Variants in FRMD5 observed in about 807,000 individuals in gnomAD.
FRMD5 encodes the protein FERM domain-containing protein 5.
In FRMD5, 20 loss-of-function variants were observed where a neutral mutation model predicts 69.0. That is an observed-to-expected ratio of 0.29 (90% CI 0.20 to 0.42). The LOEUF is 0.42. FRMD5 is among the 10% of genes least tolerant of loss of function. The pLI, the probability that FRMD5 is intolerant of heterozygous loss-of-function variation, is 1.00. For synonymous variants in FRMD5, 271 were observed against 260.1 expected (o/e 1.04, Z -0.40); for missense variants, 595 against 708.6 (o/e 0.84, Z 1.82).
intron 1 of FRMD5, among the ~76,000 whole-genome samples, chr15:44,162,001 G>A (rs1324283101): frequency 6.6e-6 from 1 of 151,832 alleles, no homozygotes; most frequent in East Asian, 1.9e-4. Context: ...GTCTCTCCTA[G>A]TGCCCTAGGC....
At chr15:43,914,200 C>T (rs1232823171) in intron 4 of FRMD5, among the ~76,000 whole-genome samples, 1 of 152,188 alleles carries the variant, frequency 6.6e-6, no homozygotes, top group Admixed American at 6.5e-5. Flanking sequence ...AATGAGTCCA[C>T]AGGCATTTCC....
At chr15:44,065,356 T>C (rs1025465799) in intron 1 of FRMD5, among the ~76,000 whole-genome samples, 9 of 151,978 alleles carry the variant, frequency 5.9e-5, no homozygotes, top group African/African-American at 2.2e-4. Context: ...TAGAAATCAA[T>C]TCAAAAAGCC....
chr15:43,975,200 G>A (rs1479415295), intron 1 of FRMD5, among the ~76,000 whole-genome samples: 2 of 152,216 alleles, frequency 1.3e-5, no homozygotes, highest in African/African-American at 4.8e-5. Flanking sequence ...ATCTAAGCTA[G>A]AATATGCCAG....
chr15:44,144,971 T>G (rs774845553), intron 1 of FRMD5, among the ~76,000 whole-genome samples: 1 of 152,210 alleles, frequency 6.6e-6, no homozygotes, highest in Non-Finnish European at 1.5e-5. Flanking sequence ...CCCAGTATCA[T>G]AGAGTTACTA....
At chr15:43,965,614 T>G (rs1336727497) in intron 1 of FRMD5, among the ~76,000 whole-genome samples, 1 of 138,588 alleles carries the variant, frequency 7.2e-6, no homozygotes, top group Non-Finnish European at 1.5e-5. Context: ...AGAGTTTCAC[T>G]CTTGTTGCCC....
At position 43,871,256 on chromosome 15, in the gene FRMD5, AAAAC is replaced by A. The variant is rs943061253; in HGVS notation, c.*2625_*2628del. ...TATTTTCTGGGATGAGCCCTGGAAA[AAAAC>A]AACCCTAAAGTTTCTGTTTACAGAG... On this transcript the variant is annotated 3_prime_UTR_variant, in exon 14 of 14. Coordinates refer to ENST00000417257, the MANE Select transcript of FRMD5 (RefSeq NM_032892.5). 6.6e-6 allele frequency: 1 copy of A among 152,238 alleles called. No homozygotes were observed. The highest frequency in any genetic ancestry group is 1.5e-5 in the Non-Finnish European group (1 of 68,046). The allele number at this position is 152,238 out of a possible 1,614,324, so 9.4% of individuals were successfully genotyped here.
intron 1 of FRMD5, among the ~76,000 whole-genome samples, chr15:44,112,656 G>A (rs1277888285): frequency 6.6e-6 from 1 of 151,804 alleles, no homozygotes; most frequent in Non-Finnish European, 1.5e-5. Flanking sequence ...TTGTAGAGAC[G>A]GGGTTTCACC....
intron 1 of FRMD5, among the ~76,000 whole-genome samples, chr15:44,004,252 A>G (rs2140184620): frequency 6.6e-6 from 1 of 152,370 alleles, no homozygotes; most frequent in East Asian, 1.9e-4. Context: ...AGAAAATGCC[A>G]TAGTTTTTAT....
intron 1 of FRMD5, among the ~76,000 whole-genome samples, chr15:43,953,179 A>G (rs1290625231): frequency 6.6e-5 from 10 of 152,258 alleles, no homozygotes; most frequent in Non-Finnish European, 1.5e-4. Context: ...CAGTGAAGGA[A>G]TTCAGTCAGA....
intron 1 of FRMD5, among the ~76,000 whole-genome samples, chr15:44,019,797 A>G (rs184815645): frequency 0.011 from 1,612 of 151,354 alleles, 22 homozygotes; most frequent in African/African-American, 0.036. Context: ...AAGAAAGAAA[A>G]AAAAGAACAA....
At chr15:44,137,146 G>C (rs1349323239) in intron 1 of FRMD5, among the ~76,000 whole-genome samples, 1 of 152,172 alleles carries the variant, frequency 6.6e-6, no homozygotes, top group African/African-American at 2.4e-5. Context: ...CACAGAACTG[G>C]CCTGCCAAAG....
intron 1 of FRMD5, among the ~76,000 whole-genome samples, chr15:44,093,102 T>A (rs1477406742): frequency 1.3e-5 from 2 of 152,036 alleles, no homozygotes; most frequent in African/African-American, 4.8e-5. Flanking sequence ...CAGCTAATTT[T>A]TGTATTTTTA....
intron 1 of FRMD5, among the ~76,000 whole-genome samples, chr15:44,044,774 G>A (rs1892359240): frequency 6.6e-6 from 1 of 151,658 alleles, no homozygotes; most frequent in African/African-American, 2.4e-5. Context: ...GGGGTGGGGG[G>A]CTAGGGGAGA....
chr15:44,139,083 A>G (rs994887480), intron 1 of FRMD5, among the ~76,000 whole-genome samples: 5 of 152,114 alleles, frequency 3.3e-5, no homozygotes, highest in Non-Finnish European at 5.9e-5. Context: ...TAAAAAAATG[A>G]CTTGTACACT....
chr15:43,948,417 A>G (rs1268718971), intron 1 of FRMD5, among the ~76,000 whole-genome samples: 1 of 152,226 alleles, frequency 6.6e-6, no homozygotes, highest in Non-Finnish European at 1.5e-5. Flanking sequence ...ACCTGAAACC[A>G]TCCTTTCTTC....
At chr15:43,990,112 C>G (rs377082843) in intron 1 of FRMD5, 1 of 643,970 alleles carries the variant, frequency 1.6e-6, no homozygotes. Context: ...GGGTGGGCAT[C>G]GTCACCTGCA....
At chr15:44,010,362 A>C (rs944115006) in intron 1 of FRMD5, among the ~76,000 whole-genome samples, 23 of 151,830 alleles carry the variant, frequency 1.5e-4, no homozygotes, top group Non-Finnish European at 2.8e-4. Flanking sequence ...TCAGAGATGA[A>C]GCCTTCCAAG....
chr15:44,166,001 T>C (rs1453065464), intron 1 of FRMD5, among the ~76,000 whole-genome samples: 1 of 152,192 alleles, frequency 6.6e-6, no homozygotes, highest in East Asian at 1.9e-4. Context: ...TCTTCTATTT[T>C]AAATCATTTC....
rs376557478 is a variant in FRMD5, at chr15:43,902,383, T to C, written c.552-121A>G. The C allele has an allele frequency of 1.5e-3, 1,216 of 831,548 alleles. 25 individuals carry two copies. The South Asian group carries it at 0.017, about 11-fold the overall frequency. 51.5% of individuals were successfully genotyped at this position (831,548 alleles called of 1,614,324 possible). A position where few individuals can be genotyped will look rare whatever the true frequency, so the allele number is the denominator to read the frequency against. On this transcript the variant is annotated intron_variant, in intron 6 of 13. Transcript: ENST00000417257. ...ACATCTCAGTTTGTCTAGGGTGTGC[T>C]CCCTGCTTGGTTCTAGGACCAACTT... is the stretch of plus-strand genomic sequence containing the variant.
Sources: allele counts gnomAD v4.1 joint callset (sites outside exome capture counted in the v4.1 genomes callset), GRCh38; gene constraint gnomAD v4.1.1; transcripts MANE v1.5; gene names NCBI Gene and HGNC (gene_info 2026-07-23, HGNC 2026-07-21).